The following CACNA1E variants were observed in gnomAD, a reference collection of about 807,000 sequenced individuals.
The protein encoded by CACNA1E is calcium voltage-gated channel subunit alpha1 E, also known as voltage-dependent R-type calcium channel subunit alpha-1E.
A neutral mutation model predicts 259.2 loss-of-function variants in CACNA1E; 40 were observed. The ratio of observed to expected loss-of-function variants is 0.15; its 90% CI spans 0.12 to 0.20. The LOEUF is 0.20. CACNA1E is among the 10% of genes least tolerant of loss of function. The pLI is 1.00. For missense variants in CACNA1E, 1,874 were observed against 3,040.1 expected (o/e 0.62, Z 9.02); for synonymous variants, 1,104 against 1,138.5 (o/e 0.97, Z 0.61).
chr1:181,377,686 G>C (rs1296935878), intron 1 of CACNA1E, among the ~76,000 whole-genome samples: 3 of 152,188 alleles, frequency 2.0e-5, no homozygotes, highest in African/African-American at 7.2e-5. Context: ...ATCAGGTACT[G>C]TTCTATGCAC....
chr1:181,361,109 T>G (rs1653857774), intron 1 of CACNA1E, among the ~76,000 whole-genome samples: 1 of 152,156 alleles, frequency 6.6e-6, no homozygotes, highest in African/African-American at 2.4e-5. Context: ...CTGAGAGCCT[T>G]CTTCATGTGG....
chr1:181,769,629 C>CTAT (rs1659328020), intron 35 of CACNA1E, among the ~76,000 whole-genome samples: 1 of 152,066 alleles, frequency 6.6e-6, no homozygotes, highest in Admixed American at 6.6e-5. Flanking sequence ...GTTTCTTGGA[C>CTAT]TATTACACAC....
intron 34 of CACNA1E, among the ~76,000 whole-genome samples, chr1:181,764,165 TAA>T: frequency 6.6e-6 from 1 of 152,272 alleles, no homozygotes; most frequent in South Asian, 2.1e-4. Flanking sequence ...GTACATATGA[TAA>T]ATATAAGTAA....
intron 1 of CACNA1E, among the ~76,000 whole-genome samples, chr1:181,401,131 T>G (rs1400380830): frequency 6.6e-6 from 1 of 152,212 alleles, no homozygotes; most frequent in Non-Finnish European, 1.5e-5. Flanking sequence ...TAGGCCTTTG[T>G]GCAGCTTTTT....
In CACNA1E at chr1:181,799,055, C is replaced by T. The variant is rs1662074164; in HGVS notation, c.*221C>T. ...AAGATGGGCACTGCCATAGTTCTGCCTCTTTGCTGGGGAAAGAAACCAGGA... is the reference window on the plus strand; with the variant it reads ...AAGATGGGCACTGCCATAGTTCTGCTTCTTTGCTGGGGAAAGAAACCAGGA... On this transcript the variant is annotated 3_prime_UTR_variant, in exon 48 of 48. Coordinates refer to ENST00000367573, the MANE Select transcript of CACNA1E (RefSeq NM_001205293.3). The T allele has an allele frequency of 2.3e-6, 1 of 438,254 alleles. No homozygotes were observed. 27.1% of individuals were successfully genotyped at this position (438,254 alleles called of 1,614,324 possible).
At chr1:181,553,000 A>G (rs895592111) in intron 3 of CACNA1E, among the ~76,000 whole-genome samples, 16 of 152,188 alleles carry the variant, frequency 1.1e-4, no homozygotes, top group African/African-American at 3.9e-4. Flanking sequence ...TTAATTCCAT[A>G]TGAAATTTAA....
chr1:181,758,617 T>G lies in CACNA1E; in HGVS notation c.4495-141T>G, dbSNP rs1300281673. ...AATATGTGGTTCTCCTCTCCAGCAC[T>G]CGAAGTCCATCTCTCCTCCTGTACC... On this transcript the variant is annotated intron_variant, in intron 31 of 47. Transcript: ENST00000367573. The surrounding 1 kb of genome is among the most constrained non-coding windows in gnomAD (Gnocchi z 4.2). The G allele has an allele frequency of 1.8e-5, 10 of 565,208 alleles. No homozygotes were observed. The highest frequency in any genetic ancestry group is 3.4e-5 in the Admixed American group (1 of 29,282). The allele number at this position is 565,208 out of a possible 1,614,324, so 35.0% of individuals were successfully genotyped here. A position where few individuals can be genotyped will look rare whatever the true frequency, so the allele number is the denominator to read the frequency against.
At position 181,758,160 on chromosome 1, in the gene CACNA1E, C is replaced by T. The variant is rs771255678; in HGVS notation, c.4494+49C>T. 3.8e-6 allele frequency: 6 copies of T among 1,565,826 alleles called. No individual in the cohort carries two copies. Among genetic ancestry groups the T allele is most frequent in the Non-Finnish European group, 5.3e-6 (6 of 1,142,806 alleles). On this transcript the variant is annotated intron_variant, in intron 31 of 47. Coordinates refer to ENST00000367573, the MANE Select transcript of CACNA1E (RefSeq NM_001205293.3). The surrounding 1 kb of genome is among the most constrained non-coding windows in gnomAD (Gnocchi z 4.2). ...CCGACTGAGCCCCAGCGATGGTTCC[C>T]TCCCAGGGCAAGTGGGAAGACACCC...
At chr1:181,549,786 T>C (rs1558115582) in intron 3 of CACNA1E, among the ~76,000 whole-genome samples, 1 of 152,130 alleles carries the variant, frequency 6.6e-6, no homozygotes, top group African/African-American at 2.4e-5. Context: ...GCAAGCACAG[T>C]GTCCGTGGAG....
Position 181,400,139 on chromosome 1 carries a change from C to T in CACNA1E, c.-14-12994C>T, listed in dbSNP as rs568079887. 9.8e-5 allele frequency among the ~76,000 whole-genome samples: 15 copies of T among 152,304 alleles called. No homozygotes were observed. The East Asian group carries it at 1.7e-3, about 18-fold the overall frequency. Reference sequence around the variant, plus strand: ...ACATCGTGAAGCAGATTTGAATTTGCTTCACAAAACTCAGGTTATAAAAAT... The same window carrying T: ...ACATCGTGAAGCAGATTTGAATTTGTTTCACAAAACTCAGGTTATAAAAAT... On this transcript the variant is annotated intron_variant, in intron 1 of 11. Coordinates refer to the CACNA1E transcript ENST00000524607.
At chr1:181,451,409 G>C (rs1661148432) in intron 2 of CACNA1E, among the ~76,000 whole-genome samples, 1 of 152,204 alleles carries the variant, frequency 6.6e-6, no homozygotes, top group African/African-American at 2.4e-5. Context: ...TAGCCAACCA[G>C]GCACGGTGGC....
chr1:181,576,545 G>T (rs1013401754), intron 3 of CACNA1E, among the ~76,000 whole-genome samples: 6 of 152,196 alleles, frequency 3.9e-5, no homozygotes, highest in Non-Finnish European at 8.8e-5. Context: ...AGGAAGTTCA[G>T]GTACCTTCTT....
chr1:181,338,431 A>C (rs1234328529), intron 1 of CACNA1E, among the ~76,000 whole-genome samples: 2 of 150,882 alleles, frequency 1.3e-5, no homozygotes, highest in African/African-American at 2.4e-5. Flanking sequence ...AGTGATGTCG[A>C]GCACCTTTTT....
At chr1:181,750,123 T>A (rs563168184) in intron 25 of CACNA1E, among the ~76,000 whole-genome samples, 1 of 152,280 alleles carries the variant, frequency 6.6e-6, no homozygotes, top group Non-Finnish European at 1.5e-5. Flanking sequence ...AGTAAACGCC[T>A]GCACTTAGAA....
At chr1:181,382,957 C>T (rs1412387829) in intron 1 of CACNA1E, among the ~76,000 whole-genome samples, 2 of 152,168 alleles carry the variant, frequency 1.3e-5, no homozygotes, top group Non-Finnish European at 2.9e-5. Flanking sequence ...CAGAGACTGG[C>T]TCTGAGTACA....
In CACNA1E at chr1:181,485,998, C is replaced by G. The variant is rs947839590; in HGVS notation, c.266+1988C>G. 5.3e-5 allele frequency among the ~76,000 whole-genome samples: 8 copies of G among 152,264 alleles called. No individual in the cohort carries two copies. The highest frequency in any genetic ancestry group is 8.8e-5 in the Non-Finnish European group (6 of 68,044). On this transcript the variant is annotated intron_variant, in intron 1 of 47. Transcript: ENST00000367573. The surrounding 1 kb of genome is among the most constrained non-coding windows in gnomAD (Gnocchi z 4.2). Reference sequence around the variant, plus strand: ...GGTTCAGCACCTCGGGTACTTCTGGCCGGGCCCAGCCTTGGAGCTGAGAAA... The same window carrying G: ...GGTTCAGCACCTCGGGTACTTCTGGGCGGGCCCAGCCTTGGAGCTGAGAAA...
chr1:181,593,640 G>A lies in CACNA1E; in HGVS notation c.951+12864G>A, dbSNP rs548222266. Among the ~76,000 whole-genome samples, 16 of 152,258 alleles carry A rather than the reference G, an allele frequency of 1.1e-4. 1 individual carries two copies. The highest frequency in any genetic ancestry group is 2.1e-4 in the South Asian group (1 of 4,824). On this transcript the variant is annotated intron_variant, in intron 6 of 47. Coordinates refer to ENST00000367573, the MANE Select transcript of CACNA1E (RefSeq NM_001205293.3). ...TGCAACCTCCTCCGCTCGGGTTCAAGCGATTCTTCTGCCTCAGCCTTCTGA... is the reference window on the plus strand; with the variant it reads ...TGCAACCTCCTCCGCTCGGGTTCAAACGATTCTTCTGCCTCAGCCTTCTGA...
intron 1 of CACNA1E, among the ~76,000 whole-genome samples, chr1:181,486,521 T>G (rs1663832373): frequency 6.6e-6 from 1 of 152,196 alleles, no homozygotes; most frequent in South Asian, 2.1e-4. Flanking sequence ...GTATCTTGCT[T>G]TGTCTTATTG....
chr1:181,405,613 A>G (rs536571790), intron 1 of CACNA1E, among the ~76,000 whole-genome samples: 29 of 152,140 alleles, frequency 1.9e-4, no homozygotes, highest in Non-Finnish European at 4.3e-4. Context: ...AAACTGCAAA[A>G]TATCTTCTTT....
Sources: allele counts gnomAD v4.1 joint callset (sites outside exome capture counted in the v4.1 genomes callset), GRCh38; gene constraint gnomAD v4.1.1; non-coding constraint Gnocchi (gnomAD v3.1); transcripts MANE v1.5; gene names NCBI Gene and HGNC (gene_info 2026-07-23, HGNC 2026-07-21).